The following CCDC38 variants were observed in gnomAD, a reference collection of about 807,000 sequenced individuals.
The protein encoded by CCDC38 is coiled-coil domain-containing protein 38.
In CCDC38, 69 loss-of-function variants were observed where a neutral mutation model predicts 72.8. The observed-to-expected ratio is 0.95, with a 90% CI of 0.78 to 1.16. CCDC38 has a LOEUF of 1.16. Ranked by LOEUF, CCDC38 falls within the 50% of genes most tolerant of loss-of-function variation. The pLI, the probability that CCDC38 is intolerant of heterozygous loss-of-function variation, is 0.00. For synonymous variants in CCDC38, 201 were observed against 213.2 expected, an observed-to-expected ratio of 0.94 and a Z score of 0.50; for missense variants, 626 against 638.9, an observed-to-expected ratio of 0.98 and a Z score of 0.22.
Position 95,878,262 on chromosome 12 carries a change from C to A in CCDC38, c.1227G>T (p.Leu409Phe). 1 of 1,613,586 alleles carries A rather than the reference C, an allele frequency of 6.2e-7. No individual in the cohort carries two copies. Among genetic ancestry groups the A allele is most frequent in the African/African-American group, 1.3e-5 (1 of 75,022 alleles). ...AGCTAAAGAGCTTGGACTTTAATTG[C>A]AATTCTGCTGCTTTCTCTTCTTCTC... ...CVREEEKAAE[L>F]QLKSKLFSFG... The change falls in exon 13 of 16, where the codon TTG becomes TTT. Residue 409 changes from leucine (L) to phenylalanine (F), a missense_variant. Physicochemically the swap from Leu to Phe is conservative, Grantham distance 22. Coordinates refer to ENST00000344280, the MANE Select transcript of CCDC38 (RefSeq NM_182496.3).
intron 10 of CCDC38, 112 bp downstream of exon 10, chr12:95,888,346 T>A: frequency 1.1e-6 from 1 of 913,350 alleles, no homozygotes; most frequent in East Asian, 2.5e-5. Flanking sequence ...ACTTCCAGGA[T>A]CTCTTACAAC....
In CCDC38 at chr12:95,889,707, G is replaced by T. The variant is rs566858257; in HGVS notation, c.871+1125C>A. Among the ~76,000 whole-genome samples, 3 of 152,090 alleles carry T rather than the reference G, an allele frequency of 2.0e-5. No homozygotes were observed. The East Asian group carries it at 5.8e-4, about 29-fold the overall frequency. ...GTCCCCAGGAGTCAGCCTGAATTGG[G>T]GGCTGCAAACTCAGATGGATACAGG... On this transcript the variant is annotated intron_variant, in intron 9 of 15. Coordinates refer to ENST00000344280, the MANE Select transcript of CCDC38 (RefSeq NM_182496.3).
chr12:95,870,748 G>C (rs78779135), intron 14 of CCDC38, among the ~76,000 whole-genome samples: 6,769 of 152,122 alleles, frequency 0.044, 507 homozygotes, highest in African/African-American at 0.16. Context: ...ATCCCATCAG[G>C]ATCACCATGA....
At chr12:95,884,410 G>T (rs538100009) in intron 10 of CCDC38, among the ~76,000 whole-genome samples, 12 of 152,314 alleles carry the variant, frequency 7.9e-5, no homozygotes, top group Non-Finnish European at 1.6e-4. Flanking sequence ...ACTACAGAAG[G>T]CTGAAGAAAT....
chr12:95,927,533 C>G (rs1312879356), intron 2 of CCDC38, among the ~76,000 whole-genome samples: 1 of 152,014 alleles, frequency 6.6e-6, no homozygotes, highest in Non-Finnish European at 1.5e-5. Flanking sequence ...ATTTAGTCCA[C>G]TTACATTTGA....
chr12:95,908,189 G>A (rs1199488624), intron 4 of CCDC38, among the ~76,000 whole-genome samples: 50 of 151,878 alleles, frequency 3.3e-4, no homozygotes, highest in African/African-American at 1.2e-3. Flanking sequence ...ACTGAGTGAA[G>A]GAGACTCCGT....
At chr12:95,897,586 G>T (rs1228095375) in intron 7 of CCDC38, among the ~76,000 whole-genome samples, 1 of 143,674 alleles carries the variant, frequency 7.0e-6, no homozygotes, top group African/African-American at 2.6e-5. Flanking sequence ...CTCCAGCTTG[G>T]GCAACAAAAG....
At chr12:95,916,593 T>C (rs1321486392) in intron 4 of CCDC38, among the ~76,000 whole-genome samples, 2 of 152,018 alleles carry the variant, frequency 1.3e-5, no homozygotes, top group African/African-American at 4.8e-5. Context: ...TACCCCCTAC[T>C]TGTCATTTTT....
rs564914606 is a variant in CCDC38 at position 95,912,017 on chromosome 12, A to T, written c.304+5112T>A. 2.0e-3 allele frequency among the ~76,000 whole-genome samples: 307 copies of T among 152,378 alleles called. 2 individuals carry two copies. Among genetic ancestry groups the T allele is most frequent in the African/African-American group, 7.2e-3 (301 of 41,592 alleles). On this transcript the variant is annotated intron_variant, in intron 4 of 15. Coordinates refer to ENST00000344280, the MANE Select transcript of CCDC38 (RefSeq NM_182496.3). ...AAAGAAAATGTGGTGCATGTATACC[A>T]TGGAATACTATGCAGCCATAAAAAG...
rs1349305791 is a variant in CCDC38, at chr12:95,929,861, G to GA, written c.37+6611dup. Among the ~76,000 whole-genome samples, 3 of 152,304 alleles carry GA rather than the reference G, an allele frequency of 2.0e-5. No homozygotes were observed. In the East Asian group the frequency reaches 5.8e-4, roughly 29 times the overall value. On this transcript the variant is annotated intron_variant, in intron 2 of 15. Transcript: ENST00000344280. ...GATGGCAGAGCCATGCTCTCTTGGT[G>GA]AAGCCTCTAGGGGAGAATCCTTCCA...
intron 4 of CCDC38, among the ~76,000 whole-genome samples, chr12:95,916,118 T>C (rs771130851): frequency 6.6e-6 from 1 of 152,226 alleles, no homozygotes; most frequent in Admixed American, 6.5e-5. Context: ...AGGCATGTGA[T>C]TGAACGTAGA....
Position 95,890,840 on chromosome 12 carries a change from T to C in CCDC38, c.863A>G (p.Asp288Gly). ...CCCAAATCTACCTTTACCTTGGCTG[T>C]CTCTTCCCTGAGAAGCATCTTCTGA... ...VLSEDASQGR[D>G]SQGKPSRSLT... is the part of the protein sequence containing the mutation. Residue 288 changes from aspartate (D) to glycine (G), a missense_variant, in exon 9 of 16, where the codon GAC becomes GGC. Asp to Gly is a moderately conservative substitution (Grantham distance 94). Coordinates refer to ENST00000344280, the MANE Select transcript of CCDC38 (RefSeq NM_182496.3). The C allele has an allele frequency of 6.3e-7, 1 of 1,594,166 alleles. No individual in the cohort carries two copies. Among genetic ancestry groups the C allele is most frequent in the Non-Finnish European group, 8.6e-7 (1 of 1,164,164 alleles).
intron 2 of CCDC38, among the ~76,000 whole-genome samples, chr12:95,931,339 C>T (rs1015603422): frequency 2.0e-5 from 3 of 152,216 alleles, no homozygotes; most frequent in African/African-American, 7.2e-5. Flanking sequence ...TTATATTAGG[C>T]CCATTGGCTA....
chr12:95,888,070 G>T lies in CCDC38; in HGVS notation c.920+388C>A, dbSNP rs137982744. 8.5e-5 allele frequency among the ~76,000 whole-genome samples: 13 copies of T among 152,264 alleles called. No homozygotes were observed. In the East Asian group the frequency reaches 2.5e-3, roughly 29 times the overall value. ...GACTTCTGAAATAATGAGTACAAAT[G>T]AGTGAACAATTAAGTGAGGGGGAAA... On this transcript the variant is annotated intron_variant, in intron 10 of 15. Transcript: ENST00000344280.
chr12:95,869,971 ATG>A (rs2079563283), intron 14 of CCDC38, among the ~76,000 whole-genome samples: 2 of 152,072 alleles, frequency 1.3e-5, no homozygotes, highest in Admixed American at 6.6e-5. Context: ...TTACAGGTGC[ATG>A]CCACCACACC....
At chr12:95,897,382 G>A (rs1222931286) in intron 7 of CCDC38, among the ~76,000 whole-genome samples, 4 of 152,114 alleles carry the variant, frequency 2.6e-5, no homozygotes, top group African/African-American at 9.7e-5. Context: ...GCTGAGGTGG[G>A]TGGATTGTCT....
intron 11 of CCDC38, among the ~76,000 whole-genome samples, chr12:95,881,025 A>G (rs1451700265): frequency 6.6e-6 from 1 of 152,124 alleles, no homozygotes; most frequent in African/African-American, 2.4e-5. Flanking sequence ...AAGGTGTGTA[A>G]TATACAACAA....
intron 8 of CCDC38, among the ~76,000 whole-genome samples, chr12:95,892,672 C>T (rs775914577): frequency 1.3e-5 from 2 of 150,440 alleles, no homozygotes; most frequent in East Asian, 2.0e-4. Context: ...CAGGTTCAAG[C>T]GATTCTCCTG....
chr12:95,875,802 A>G (rs2079629747), intron 13 of CCDC38, among the ~76,000 whole-genome samples: 1 of 152,190 alleles, frequency 6.6e-6, no homozygotes, highest in Non-Finnish European at 1.5e-5. Flanking sequence ...AATTTCATGG[A>G]TAGCCATTTA....
Sources: gnomAD v4.1 joint callset for allele counts (sites outside exome capture counted in the v4.1 genomes callset) on GRCh38, gnomAD v4.1.1 for gene constraint, MANE v1.5 for transcripts, NCBI Gene and HGNC (gene_info 2026-07-23, HGNC 2026-07-21) for gene names.